Variants in ZNF717 observed in about 807,000 individuals in gnomAD.
ZNF717 encodes krueppel-like factor X17.
ZNF717 carries 9 observed loss-of-function variants against 13.8 expected under a neutral mutation model. That is an observed-to-expected ratio of 0.65 (90% CI 0.39 to 1.14). The LOEUF is 1.14. Among genes scored for constraint, ZNF717 ranks in the 50% most tolerant of loss-of-function variants. The probability of loss-of-function intolerance (pLI) is 0.01; values close to 1 mark genes in which losing one functional copy is unlikely to be tolerated. For synonymous variants in ZNF717, 327 were observed against 364.1 expected (o/e 0.90, Z 1.16); for missense variants, 1,040 against 1,080.7 (o/e 0.96, Z 0.53).
intron 2 of ZNF717, among the ~76,000 whole-genome samples, chr3:75,766,414 A>G (rs1394712734): frequency 6.6e-6 from 1 of 152,226 alleles, no homozygotes; most frequent in Non-Finnish European, 1.5e-5. Context: ...CTTCAAAACA[A>G]AATATATCAC....
chr3:75,737,615 T>C lies in ZNF717; in HGVS notation c.2008A>G (p.Thr670Ala), dbSNP rs1559594302. The part of the protein sequence containing the change: ...SFLTIHQRTH[T>A]GKNRMDVMNV... Reference sequence around the variant, plus strand: ...ATTACATCCATACGGTTTTTCCCCGTGTGAGTTCTCTGGTGTATGGTGAGG... The same window carrying C: ...ATTACATCCATACGGTTTTTCCCCGCGTGAGTTCTCTGGTGTATGGTGAGG... Residue 670 changes from threonine to alanine, a missense_variant, in exon 5 of 5, where the codon ACG becomes GCG. Thr to Ala is a moderately conservative substitution (Grantham distance 58). This residue lies in a region of ZNF717 where 873 missense variants were observed against 832.8 expected (regional missense o/e 1.05). Transcript: ENST00000652011. The C allele has an allele frequency of 2.6e-6, 4 of 1,543,972 alleles. No individual in the cohort carries two copies. The highest frequency in any genetic ancestry group is 3.5e-6 in the Non-Finnish European group (4 of 1,141,788).
At chr3:75,721,448 A>G (rs1247617818) in intron 4 of ZNF717, among the ~76,000 whole-genome samples, 1 of 151,932 alleles carries the variant, frequency 6.6e-6, no homozygotes, top group African/African-American at 2.4e-5. Flanking sequence ...CGCCTGGCTA[A>G]TTTTGTATTT....
At chr3:75,711,219 G>A (rs11926504) in exon 6 of ZNF717, 2 of 152,040 alleles carry the variant, frequency 1.3e-5, no homozygotes, top group Non-Finnish European at 2.9e-5. Context: ...GAATCAAGTA[G>A]GGAGACAAAA....
intron 5 of ZNF717, among the ~76,000 whole-genome samples, chr3:75,712,284 A>G (rs1196094480): frequency 6.6e-6 from 1 of 152,266 alleles, no homozygotes; most frequent in Non-Finnish European, 1.5e-5. Context: ...ATGGCTGTTA[A>G]GGGAACAGAT....
chr3:75,725,719 C>G (rs1198559949), downstream of ZNF717, among the ~76,000 whole-genome samples: 23 of 152,146 alleles, frequency 1.5e-4, no homozygotes, highest in African/African-American at 5.6e-4. Flanking sequence ...AGGGGAACTT[C>G]CCTCCATACA....
rs1392574902 is a variant in ZNF717, at chr3:75,736,055, T to G, written c.*823A>C. The G allele has an allele frequency of 6.6e-6, 1 of 152,226 alleles. No individual in the cohort carries two copies. Among genetic ancestry groups the G allele is most frequent in the African/African-American group, 2.4e-5 (1 of 41,450 alleles). The allele number at this position is 152,226 out of a possible 1,614,324, so 9.4% of individuals were successfully genotyped here. A position where few individuals can be genotyped will look rare whatever the true frequency, so the allele number is the denominator to read the frequency against. On this transcript the variant is annotated 3_prime_UTR_variant, in exon 5 of 5. Transcript: ENST00000652011. ...AAGATTTTAGTTATCACATCTGTTA[T>G]GATCTGTGATCAGTGATTTCTGATG...
At chr3:75,746,420 T>C (rs1455684778) in intron 2 of ZNF717, among the ~76,000 whole-genome samples, 1 of 152,188 alleles carries the variant, frequency 6.6e-6, no homozygotes, top group Non-Finnish European at 1.5e-5. Flanking sequence ...CTGGGTCAAA[T>C]GGTATTTCTA....
chr3:75,760,022 A>C (rs1942841876), intron 2 of ZNF717, among the ~76,000 whole-genome samples: 1 of 151,986 alleles, frequency 6.6e-6, no homozygotes, highest in Non-Finnish European at 1.5e-5. Context: ...ATATGTCTGA[A>C]ATTTTTTCTT....
chr3:75,736,464 T>G lies in ZNF717; in HGVS notation c.*414A>C. 5.9e-6 allele frequency: 1 copy of G among 169,000 alleles called. No individual in the cohort carries two copies. The highest frequency in any genetic ancestry group is 1.3e-5 in the Non-Finnish European group (1 of 79,512). The allele number at this position is 169,000 out of a possible 1,614,324, so 10.5% of individuals were successfully genotyped here. On this transcript the variant is annotated 3_prime_UTR_variant, in exon 5 of 5. Coordinates refer to ENST00000652011, the MANE Select transcript of ZNF717 (RefSeq NM_001290208.3). Reference sequence around the variant, plus strand: ...ACTCCAGAGAACACATGAATGATTTTTAAAAAACAAAACAGGCTTTTTACT... The same window carrying G: ...ACTCCAGAGAACACATGAATGATTTGTAAAAAACAAAACAGGCTTTTTACT...
chr3:75,722,199 G>A (rs11708729), intron 4 of ZNF717, among the ~76,000 whole-genome samples: 63,533 of 151,864 alleles, frequency 0.42, 13,652 homozygotes, highest in Non-Finnish European at 0.46. Context: ...GGTGGAGGTC[G>A]CAGTGAGCCA....
chr3:75,754,310 C>T (rs1295405174), intron 2 of ZNF717, among the ~76,000 whole-genome samples: 1 of 152,084 alleles, frequency 6.6e-6, no homozygotes, highest in East Asian at 1.9e-4. Flanking sequence ...GTACTTCATG[C>T]CTGGAATTAT....
chr3:75,741,492 G>A (rs77370954), intron 3 of ZNF717, 118 bp downstream of exon 3: 1 of 1,382,308 alleles, frequency 7.2e-7, no homozygotes, highest in Non-Finnish European at 1.0e-6. Context: ...CATTAGAGTA[G>A]TGACACATTT....
chr3:75,772,463 G>T (rs1943974429), intron 2 of ZNF717, among the ~76,000 whole-genome samples: 2 of 152,204 alleles, frequency 1.3e-5, no homozygotes, highest in Non-Finnish European at 1.5e-5. Context: ...CCAGGGCTAT[G>T]ACACCTTCTT....
intron 2 of ZNF717, among the ~76,000 whole-genome samples, chr3:75,759,278 ATTT>A (rs57052931): frequency 1.6e-5 from 2 of 121,690 alleles, no homozygotes; most frequent in African/African-American, 5.7e-5. Context: ...TGGTCATCTA[ATTT>A]TTTTTTTTTT....
intron 2 of ZNF717, among the ~76,000 whole-genome samples, chr3:75,755,879 A>C (rs1274089394): frequency 6.6e-6 from 1 of 152,278 alleles, no homozygotes; most frequent in East Asian, 1.9e-4. Flanking sequence ...ATATTAATCC[A>C]ATGATATCAA....
intron 2 of ZNF717, among the ~76,000 whole-genome samples, chr3:75,757,966 AAT>A (rs577681502): frequency 3.3e-5 from 5 of 150,912 alleles, no homozygotes; most frequent in Admixed American, 6.6e-5. Flanking sequence ...AAAAAAAAAA[AAT>A]TTATCTGAGC....
intron 2 of ZNF717, among the ~76,000 whole-genome samples, chr3:75,759,400 G>A (rs1007169890): frequency 7.3e-5 from 11 of 150,398 alleles, no homozygotes; most frequent in East Asian, 3.9e-4. Flanking sequence ...CTCAACCTCC[G>A]GAGTAGCTGG....
intron 2 of ZNF717, among the ~76,000 whole-genome samples, chr3:75,749,499 C>T (rs1319707416): frequency 1.3e-5 from 2 of 151,628 alleles, no homozygotes; most frequent in Admixed American, 1.3e-4. Context: ...GAGTGTTTGT[C>T]CCTCACATAG....
chr3:75,769,837 A>G (rs1475275173), intron 2 of ZNF717, among the ~76,000 whole-genome samples: 3 of 152,352 alleles, frequency 2.0e-5, no homozygotes, highest in African/African-American at 4.8e-5. Flanking sequence ...TAGGAAGTGT[A>G]ATATAACCTT....
Sources: gnomAD v4.1 joint callset for allele counts (sites outside exome capture counted in the v4.1 genomes callset) on GRCh38, gnomAD v4.1.1 for gene constraint, gnomAD v4.1.1 regional missense constraint, MANE v1.5 for transcripts, NCBI Gene and HGNC (gene_info 2026-07-23, HGNC 2026-07-21) for gene names.